Variants in TMEM132C observed in about 807,000 individuals in gnomAD.
TMEM132C encodes transmembrane protein 132C.
A neutral mutation model predicts 61.4 loss-of-function variants in TMEM132C; 29 were observed. The observed-to-expected ratio is 0.47, with a 90% CI of 0.35 to 0.64. The LOEUF (loss-of-function observed/expected upper bound fraction) is 0.64. TMEM132C is among the 30% of genes least tolerant of loss of function. The probability of loss-of-function intolerance (pLI) is 0.00; values close to 1 mark genes in which losing one functional copy is unlikely to be tolerated. For missense variants in TMEM132C, 1,408 were observed against 1,476.9 expected, an observed-to-expected ratio of 0.95 and a Z score of 0.76; for synonymous variants, 656 against 633.1, an observed-to-expected ratio of 1.04 and a Z score of -0.54.
intron 1 of TMEM132C, among the ~76,000 whole-genome samples, chr12:128,285,855 T>C (rs12313309): frequency 2.7e-5 from 1 of 36,848 alleles, no homozygotes. Flanking sequence ...CTCTCTCCCT[T>C]TCTCTCTTTC....
At chr12:128,382,877 T>C (rs1874447767) in intron 1 of TMEM132C, among the ~76,000 whole-genome samples, 1 of 152,198 alleles carries the variant, frequency 6.6e-6, no homozygotes, top group Non-Finnish European at 1.5e-5. Context: ...TGTGTGTTTG[T>C]GCTGTGTGTA....
chr12:128,697,373 A>C lies in TMEM132C; in HGVS notation c.2079A>C (p.Thr693=). ...YPNAENSKAV[T]AVVTAEEVLR... ...ACGCAGAAAACAGCAAGGCCGTAAC[A>C]GCTGTGGTCACAGCTGAGGAGGTGC... Residue 693 remains threonine (T), a synonymous_variant, in exon 8 of 9, where the codon ACA becomes ACC. Coordinates refer to ENST00000435159, the MANE Select transcript of TMEM132C (RefSeq NM_001136103.3). 1.3e-6 allele frequency: 2 copies of C among 1,550,480 alleles called. No individual in the cohort carries two copies. Among genetic ancestry groups the C allele is most frequent in the Non-Finnish European group, 8.7e-7 (1 of 1,146,118 alleles).
At chr12:128,597,111 T>C (rs1875994085) in intron 3 of TMEM132C, among the ~76,000 whole-genome samples, 1 of 152,202 alleles carries the variant, frequency 6.6e-6, no homozygotes, top group Non-Finnish European at 1.5e-5. Context: ...CAGTTGGCTA[T>C]ATACCCTTCT....
chr12:128,413,298 CAAA>C (rs56026776), intron 1 of TMEM132C, among the ~76,000 whole-genome samples: 3 of 60,578 alleles, frequency 5.0e-5, no homozygotes, highest in African/African-American at 6.9e-5. Context: ...GACTCTGTCT[CAAA>C]AAAAAAAAAA....
At chr12:128,365,922 C>T (rs189982930) in intron 1 of TMEM132C, among the ~76,000 whole-genome samples, 5 of 152,248 alleles carry the variant, frequency 3.3e-5, no homozygotes, top group Admixed American at 3.3e-4. Context: ...AGGCTTGTCA[C>T]GGGGTGAAAG....
intron 5 of TMEM132C, among the ~76,000 whole-genome samples, chr12:128,686,143 T>A (rs1262152971): frequency 6.6e-6 from 1 of 151,820 alleles, no homozygotes; most frequent in Non-Finnish European, 1.5e-5. Context: ...TGTGTGTGCA[T>A]ATGTGTGTAT....
intron 4 of TMEM132C, among the ~76,000 whole-genome samples, chr12:128,665,269 A>G (rs1301777469): frequency 6.8e-6 from 1 of 147,102 alleles, no homozygotes; most frequent in Non-Finnish European, 1.5e-5. Context: ...ACATACACAA[A>G]CAGGCACACG....
intron 2 of TMEM132C, among the ~76,000 whole-genome samples, chr12:128,491,086 C>A (rs1040903794): frequency 6.6e-6 from 1 of 152,116 alleles, no homozygotes; most frequent in African/African-American, 2.4e-5. Context: ...CTCCAAAGAC[C>A]AAATCCTTGA....
intron 4 of TMEM132C, among the ~76,000 whole-genome samples, chr12:128,628,912 C>G (rs1421665259): frequency 6.6e-6 from 1 of 152,134 alleles, no homozygotes; most frequent in Non-Finnish European, 1.5e-5. Flanking sequence ...AAGCTGTCAG[C>G]CTTTATTCTA....
At chr12:128,300,873 AC>A (rs537368320) in intron 1 of TMEM132C, among the ~76,000 whole-genome samples, 191 of 152,238 alleles carry the variant, frequency 1.3e-3, no homozygotes, top group African/African-American at 4.5e-3. Context: ...CCCCACCTCT[AC>A]AAAAAAAAAT....
intron 3 of TMEM132C, among the ~76,000 whole-genome samples, chr12:128,558,888 C>T (rs1874415951): frequency 6.6e-6 from 1 of 152,200 alleles, no homozygotes. Flanking sequence ...AAGGTATATT[C>T]CCCCTTGTTC....
intron 2 of TMEM132C, among the ~76,000 whole-genome samples, chr12:128,486,903 AC>A (rs1565950553): frequency 0.031 from 4,751 of 151,848 alleles, 89 homozygotes; most frequent in African/African-American, 0.04. Flanking sequence ...ACACACACAC[AC>A]ACACACACAC....
chr12:128,575,773 G>A (rs1409459918), intron 3 of TMEM132C, among the ~76,000 whole-genome samples: 2 of 152,308 alleles, frequency 1.3e-5, no homozygotes, highest in African/African-American at 2.4e-5. Flanking sequence ...CAAGGACGAC[G>A]CACTATACAA....
intron 2 of TMEM132C, among the ~76,000 whole-genome samples, chr12:128,523,384 C>A (rs936300577): frequency 6.6e-6 from 1 of 152,182 alleles, no homozygotes; most frequent in Non-Finnish European, 1.5e-5. Flanking sequence ...TGCCACTCAA[C>A]TGTATGCTTA....
chr12:128,519,206 C>G (rs2136126060), intron 2 of TMEM132C, among the ~76,000 whole-genome samples: 1 of 152,314 alleles, frequency 6.6e-6, no homozygotes, highest in East Asian at 1.9e-4. Context: ...CTGCCTCATT[C>G]TTCTTTACTG....
At chr12:128,655,741 C>T (rs1182272644) in intron 4 of TMEM132C, among the ~76,000 whole-genome samples, 1 of 152,076 alleles carries the variant, frequency 6.6e-6, no homozygotes, top group Non-Finnish European at 1.5e-5. Flanking sequence ...CTGCCATTCC[C>T]AAACTGCAAG....
chr12:128,270,501 G>A (rs544943582), intron 1 of TMEM132C, among the ~76,000 whole-genome samples: 1 of 152,256 alleles, frequency 6.6e-6, no homozygotes, highest in South Asian at 2.1e-4. Context: ...CAACCAACCA[G>A]CCAAACCTTG....
intron 1 of TMEM132C, among the ~76,000 whole-genome samples, chr12:128,271,146 C>T (rs1261672111): frequency 6.6e-6 from 1 of 151,786 alleles, no homozygotes; most frequent in African/African-American, 2.4e-5. Flanking sequence ...CCCAGCTACT[C>T]GGGAGACTGA....
At chr12:128,507,857 C>G (rs1872428983) in intron 2 of TMEM132C, among the ~76,000 whole-genome samples, 1 of 152,158 alleles carries the variant, frequency 6.6e-6, no homozygotes, top group South Asian at 2.1e-4. Context: ...GCATGGGAAC[C>G]TGAGGACCAT....
Sources: allele counts gnomAD v4.1 joint callset (sites outside exome capture counted in the v4.1 genomes callset), GRCh38; gene constraint gnomAD v4.1.1; transcripts MANE v1.5; gene names NCBI Gene and HGNC (gene_info 2026-07-23, HGNC 2026-07-21).